IL33: variants seen among roughly 807,000 people sequenced by gnomAD.
IL33 encodes the protein interleukin-33.
In IL33, 37 loss-of-function variants were observed where a neutral mutation model predicts 27.3. The ratio of observed to expected loss-of-function variants is 1.36; its 90% CI spans 1.04 to 1.78. The LOEUF is 1.78. Ranked by LOEUF, IL33 falls within the 40% of genes most tolerant of loss-of-function variation. The pLI, the probability that IL33 is intolerant of heterozygous loss-of-function variation, is 0.00. For missense variants in IL33, 406 were observed against 311.4 expected (o/e 1.30, Z -2.29); for synonymous variants, 132 against 102.9 (o/e 1.28, Z -1.71).
intron 1 of IL33, among the ~76,000 whole-genome samples, chr9:6,227,007 T>G (rs941895204): frequency 5.9e-5 from 9 of 152,266 alleles, no homozygotes; most frequent in African/African-American, 1.9e-4. Flanking sequence ...ATTTCAGGCT[T>G]TTGGAAGCAC....
rs1219952994 is a variant in IL33 at position 6,241,760 on chromosome 9, C to A, written c.66C>A (p.Ser22Arg). The change falls in exon 2 of 8, where the codon AGC becomes AGA. Residue 22 changes from serine (S) to arginine (R), a missense_variant. Coordinates refer to ENST00000682010, the MANE Select transcript of IL33 (RefSeq NM_033439.4). ...ISTAKWKNTA[S>R]KALCFKLGKS... The stretch of plus-strand genomic sequence containing the variant: ...CAGCAAAGTGGAAGAACACAGCAAG[C>A]AAAGCCTTGTGTTTCAAGCTGGGAA... 9 of 1,610,734 alleles carry A rather than the reference C, an allele frequency of 5.6e-6. No homozygotes were observed. The highest frequency in any genetic ancestry group is 1.6e-4 in the Middle Eastern group (1 of 6,066).
At chr9:6,215,610 C>T (rs1286329227), upstream of IL33, among the ~76,000 whole-genome samples, 1 of 152,096 alleles carries the variant, frequency 6.6e-6, no homozygotes, top group Non-Finnish European at 1.5e-5. Context: ...ATCATAATTG[C>T]TGGTTTAAAA....
Position 6,257,974 on chromosome 9 carries a change from T to C in IL33, c.*1806T>C, listed in dbSNP as rs961660703. 1 of 152,200 alleles carries C rather than the reference T, an allele frequency of 6.6e-6. No individual in the cohort carries two copies. Among genetic ancestry groups the C allele is most frequent in the Non-Finnish European group, 1.5e-5 (1 of 68,030 alleles). 9.4% of individuals were successfully genotyped at this position (152,200 alleles called of 1,614,324 possible). A position where few individuals can be genotyped will look rare whatever the true frequency, so the allele number is the denominator to read the frequency against. On this transcript the variant is annotated 3_prime_UTR_variant, in exon 8 of 8. Transcript: ENST00000682010. ...TTATATTATTGAATAAAGTATATTTTCCAAATGTATGTGAGACTATAATGA... is the reference window on the plus strand; with the variant it reads ...TTATATTATTGAATAAAGTATATTTCCCAAATGTATGTGAGACTATAATGA...
chr9:6,241,641 T>G, intron 1 of IL33, 43 bp from the exon 2 acceptor site: 1 of 1,253,880 alleles, frequency 8.0e-7, no homozygotes. Flanking sequence ...CGTTTGTTTT[T>G]AAGTTGAGAC....
chr9:6,248,737 G>C (rs912000257), intron 2 of IL33, among the ~76,000 whole-genome samples: 2 of 151,738 alleles, frequency 1.3e-5, no homozygotes, highest in Non-Finnish European at 2.9e-5. Context: ...ACCATGCCCA[G>C]CTACTTTTTT....
intron 1 of IL33, among the ~76,000 whole-genome samples, chr9:6,240,490 G>C (rs1230070697): frequency 6.6e-6 from 1 of 152,198 alleles, no homozygotes; most frequent in Non-Finnish European, 1.5e-5. Context: ...AGAGAGAATA[G>C]ATTATAAAAT....
rs541596121 is a variant in IL33, at chr9:6,257,206, T to C, written c.*1038T>C. The C allele has an allele frequency of 1.2e-4, 19 of 152,314 alleles. No individual in the cohort carries two copies. The highest frequency in any genetic ancestry group is 3.8e-4 in the African/African-American group (16 of 41,576). 9.4% of individuals were successfully genotyped at this position (152,314 alleles called of 1,614,324 possible). On this transcript the variant is annotated 3_prime_UTR_variant, in exon 8 of 8. Transcript: ENST00000682010. ...GGGACCTATGTCTTTTAATACTCACTGTCACATTGGGCAAAGTTGCTTCTA... is the reference window on the plus strand; with the variant it reads ...GGGACCTATGTCTTTTAATACTCACCGTCACATTGGGCAAAGTTGCTTCTA...
intron 1 of IL33, among the ~76,000 whole-genome samples, chr9:6,222,331 A>G (rs373733069): frequency 6.6e-6 from 1 of 152,214 alleles, no homozygotes; most frequent in African/African-American, 2.4e-5. Flanking sequence ...CCCAGGTGAT[A>G]TTCAAAATAT....
At chr9:6,239,918 C>T (rs530577599) in intron 1 of IL33, among the ~76,000 whole-genome samples, 1 of 152,234 alleles carries the variant, frequency 6.6e-6, no homozygotes, top group African/African-American at 2.4e-5. Flanking sequence ...TACTAAGAAA[C>T]TAAGATATGG....
chr9:6,241,657 A>T (rs1406296887), intron 1 of IL33, 27 bp from the exon 2 acceptor site: 8 of 1,387,648 alleles, frequency 5.8e-6, no homozygotes, highest in Non-Finnish European at 8.0e-6. Flanking sequence ...GAGACAAATG[A>T]ACTAATATTA....
intron 2 of IL33, among the ~76,000 whole-genome samples, chr9:6,242,958 G>A (rs527548617): frequency 1.3e-5 from 2 of 152,276 alleles, no homozygotes; most frequent in African/African-American, 4.8e-5. Context: ...AACAGAGGGA[G>A]AACAGAAGCA....
At chr9:6,253,316 A>G (rs1816520215) in intron 5 of IL33, among the ~76,000 whole-genome samples, 1 of 152,228 alleles carries the variant, frequency 6.6e-6, no homozygotes, top group African/African-American at 2.4e-5. Context: ...TCACCAAAGT[A>G]CAACCTTTAT....
intron 2 of IL33, chr9:6,242,050 T>C (rs1819556717): frequency 9.1e-6 from 2 of 219,348 alleles, no homozygotes; most frequent in Non-Finnish European, 1.8e-5. Flanking sequence ...AACTTAATTA[T>C]AGCCTTTTAT....
At chr9:6,253,743 T>C in intron 6 of IL33, 141 bp downstream of exon 6, 3 of 602,070 alleles carry the variant, frequency 5.0e-6, no homozygotes, top group Non-Finnish European at 5.8e-6. Context: ...GGTAAAACCT[T>C]AGATTCTCAG....
At chr9:6,225,858 G>A (rs755658592) in intron 1 of IL33, among the ~76,000 whole-genome samples, 34 of 152,202 alleles carry the variant, frequency 2.2e-4, no homozygotes, top group Admixed American at 3.9e-4. Context: ...GAGTAACTGG[G>A]ACCATAGGCA....
At chr9:6,230,075 G>A (rs1421672614) in intron 1 of IL33, among the ~76,000 whole-genome samples, 1 of 152,154 alleles carries the variant, frequency 6.6e-6, no homozygotes. Flanking sequence ...GGAGGGAGGG[G>A]TAAGTAAGGT....
chr9:6,218,433 A>G (rs182971615), intron 1 of IL33, among the ~76,000 whole-genome samples: 39 of 152,030 alleles, frequency 2.6e-4, no homozygotes, highest in Non-Finnish European at 3.5e-4. Flanking sequence ...AGGAAATGTC[A>G]CTCTTGGCCA....
At chr9:6,216,766 A>T (rs1298115523) in intron 1 of IL33, among the ~76,000 whole-genome samples, 1 of 152,138 alleles carries the variant, frequency 6.6e-6, no homozygotes, top group South Asian at 2.1e-4. Context: ...AATGATGGAA[A>T]CTTTGAATAA....
rs767867992 is a variant in IL33, at chr9:6,250,428, A to G, written c.92-46A>G. ...TACACTCAGGATTTGTAGAAGGATA[A>G]AGATGAATGGAATGAAACAGTCTCA... On this transcript the variant is annotated intron_variant, in intron 2 of 7. Transcript: ENST00000682010. 4.4e-6 allele frequency: 7 copies of G among 1,601,176 alleles called. No homozygotes were observed. The South Asian group carries it at 7.8e-5, about 18-fold the overall frequency.
Sources: allele counts gnomAD v4.1 joint callset (sites outside exome capture counted in the v4.1 genomes callset), GRCh38; gene constraint gnomAD v4.1.1; transcripts MANE v1.5; gene names NCBI Gene and HGNC (gene_info 2026-07-23, HGNC 2026-07-21).